SUGCT: variants seen among roughly 807,000 people sequenced by gnomAD.
SUGCT encodes the protein succinyl-CoA:glutarate CoA-transferase.
SUGCT carries 41 observed loss-of-function variants against 55.0 expected under a neutral mutation model. That is an observed-to-expected ratio of 0.74 (90% CI 0.58 to 0.97). The LOEUF is 0.97. SUGCT is among the 50% of genes least tolerant of loss of function. The probability of loss-of-function intolerance (pLI) is 0.00; values close to 1 mark genes in which losing one functional copy is unlikely to be tolerated. For missense variants in SUGCT, 568 were observed against 547.8 expected (o/e 1.04, Z -0.37); for synonymous variants, 187 against 200.4 (o/e 0.93, Z 0.56).
At chr7:40,449,154 G>C (rs1433000124) in intron 9 of SUGCT, 133 bp from the exon 10 acceptor site, 9 of 608,866 alleles carry the variant, frequency 1.5e-5, no homozygotes, top group Non-Finnish European at 2.6e-5. Flanking sequence ...ATATGAAAAA[G>C]ATACAAATTA....
chr7:40,358,000 A>G (rs979650179), intron 9 of SUGCT, among the ~76,000 whole-genome samples: 8 of 152,214 alleles, frequency 5.3e-5, no homozygotes, highest in Non-Finnish European at 1.2e-4. Flanking sequence ...TTGGCACATA[A>G]GAATAGGAGA....
intron 9 of SUGCT, among the ~76,000 whole-genome samples, chr7:40,367,251 T>A (rs977614184): frequency 1.8e-5 from 2 of 110,110 alleles, no homozygotes; most frequent in South Asian, 3.4e-4. Context: ...AACATCACAC[T>A]CCGGGGACTG....
At chr7:40,548,919 T>C (rs1273093335) in intron 12 of SUGCT, among the ~76,000 whole-genome samples, 2 of 152,228 alleles carry the variant, frequency 1.3e-5, no homozygotes, top group Non-Finnish European at 2.9e-5. Flanking sequence ...TATTTTTGTA[T>C]TGAGTTTTTA....
At chr7:40,891,182 A>G in the SUGCT span, among the ~76,000 whole-genome samples, 1 of 152,212 alleles carries the variant, frequency 6.6e-6, no homozygotes, top group Non-Finnish European at 1.5e-5. Flanking sequence ...GGAACCCAAT[A>G]TAAGCATTAT....
chr7:40,577,433 T>C (rs942589244), intron 12 of SUGCT, among the ~76,000 whole-genome samples: 1 of 152,020 alleles, frequency 6.6e-6, no homozygotes, highest in African/African-American at 2.4e-5. Flanking sequence ...TTTTATGGCA[T>C]GTTGGGGGCA....
intron 12 of SUGCT, among the ~76,000 whole-genome samples, chr7:40,528,653 A>C (rs2062753979): frequency 6.6e-6 from 1 of 152,180 alleles, no homozygotes; most frequent in South Asian, 2.1e-4. Flanking sequence ...ATTTTATGAA[A>C]ATCTTTTCTT....
the SUGCT span, among the ~76,000 whole-genome samples, chr7:40,939,121 G>T: frequency 7.3e-3 from 1,111 of 152,244 alleles, 16 homozygotes; most frequent in African/African-American, 0.024. Context: ...TCAGTTCCAC[G>T]TGGGTGGGGA....
At chr7:40,660,132 A>C (rs544241046) in intron 12 of SUGCT, among the ~76,000 whole-genome samples, 1 of 152,320 alleles carries the variant, frequency 6.6e-6, no homozygotes, top group East Asian at 1.9e-4. Flanking sequence ...AAGTTTTCTA[A>C]CTGGGAGGAT....
At chr7:40,794,304 A>G (rs915092111) in intron 13 of SUGCT, among the ~76,000 whole-genome samples, 17 of 152,106 alleles carry the variant, frequency 1.1e-4, no homozygotes, top group African/African-American at 4.1e-4. Flanking sequence ...ATTTCACCTT[A>G]TAATGTTTGT....
intron 6 of SUGCT, among the ~76,000 whole-genome samples, chr7:40,236,933 A>C (rs185643874): frequency 1.1e-3 from 170 of 152,180 alleles, no homozygotes; most frequent in African/African-American, 3.9e-3. Flanking sequence ...TCCTGGTTCA[A>C]GTGATTCTTG....
intron 9 of SUGCT, among the ~76,000 whole-genome samples, chr7:40,381,561 A>C (rs572656169): frequency 3.0e-4 from 45 of 152,294 alleles, no homozygotes; most frequent in African/African-American, 1.1e-3. Context: ...AAAAACTATA[A>C]AATTCAGTAA....
intron 12 of SUGCT, among the ~76,000 whole-genome samples, chr7:40,706,356 A>C (rs1372686182): frequency 6.6e-6 from 1 of 152,030 alleles, no homozygotes; most frequent in Non-Finnish European, 1.5e-5. Context: ...AAAATACAAA[A>C]ATTAGCCGGG....
chr7:40,411,267 C>A (rs888370182), intron 9 of SUGCT, among the ~76,000 whole-genome samples: 3 of 152,184 alleles, frequency 2.0e-5, no homozygotes, highest in African/African-American at 7.2e-5. Flanking sequence ...GTGGCACATA[C>A]CTGTAATCCC....
chr7:40,872,873 TG>T, the SUGCT span, among the ~76,000 whole-genome samples: 1 of 152,186 alleles, frequency 6.6e-6, no homozygotes, highest in African/African-American at 2.4e-5. Flanking sequence ...CCTAACTCTT[TG>T]ATGTACACAC....
At chr7:40,657,177 A>G (rs1046295450) in intron 12 of SUGCT, among the ~76,000 whole-genome samples, 10 of 152,162 alleles carry the variant, frequency 6.6e-5, no homozygotes, top group Admixed American at 4.6e-4. Context: ...CTATAAATCA[A>G]ATTTCCATGA....
intron 12 of SUGCT, among the ~76,000 whole-genome samples, chr7:40,551,224 C>T (rs1313522812): frequency 6.6e-6 from 1 of 152,136 alleles, no homozygotes; most frequent in Non-Finnish European, 1.5e-5. Flanking sequence ...CTTTGGTGAT[C>T]CTTAGTGACG....
At chr7:40,283,580 T>A (rs1793112636) in intron 8 of SUGCT, among the ~76,000 whole-genome samples, 1 of 152,070 alleles carries the variant, frequency 6.6e-6, no homozygotes, top group Non-Finnish European at 1.5e-5. Context: ...TCTGAGAAAA[T>A]GTCCAACACT....
the SUGCT span, among the ~76,000 whole-genome samples, chr7:40,974,126 G>C: frequency 8.5e-5 from 13 of 152,210 alleles, no homozygotes; most frequent in Admixed American, 1.3e-4. Flanking sequence ...AAAGTCCATA[G>C]TGCCTAAAGA....
chr7:40,247,466 C>T (rs914122753), intron 7 of SUGCT, among the ~76,000 whole-genome samples: 1 of 152,106 alleles, frequency 6.6e-6, no homozygotes, highest in Non-Finnish European at 1.5e-5. Context: ...CCATGTTGGC[C>T]AGGCTGGTTT....
Sources: allele counts gnomAD v4.1 joint callset (sites outside exome capture counted in the v4.1 genomes callset), GRCh38; gene constraint gnomAD v4.1.1; transcripts MANE v1.5; gene names NCBI Gene and HGNC (gene_info 2026-07-23, HGNC 2026-07-21).